Variants in TRIM52 observed in about 807,000 individuals in gnomAD.
The protein encoded by TRIM52 is tripartite motif containing 52.
TRIM52 carries 24 observed loss-of-function variants against 27.0 expected under a neutral mutation model. The ratio of observed to expected loss-of-function variants is 0.89; its 90% CI spans 0.64 to 1.25. The LOEUF is 1.25. Ranked by LOEUF, TRIM52 falls within the 50% of genes most tolerant of loss-of-function variation. The pLI is 0.00. For missense variants in TRIM52, 351 were observed against 354.7 expected, an observed-to-expected ratio of 0.99 and a Z score of 0.08; for synonymous variants, 125 against 126.5, an observed-to-expected ratio of 0.99 and a Z score of 0.08.
intron 1 of TRIM52, 97 bp from the exon 2 acceptor site, chr5:181,256,956 G>A: frequency 1.0e-6 from 1 of 986,158 alleles, no homozygotes; most frequent in African/African-American, 1.7e-5. Context: ...GAAAAACAAG[G>A]AGTACTGATG....
At chr5:181,249,836 T>G (rs886856132), downstream of TRIM52, among the ~76,000 whole-genome samples, 2 of 149,408 alleles carry the variant, frequency 1.3e-5, no homozygotes, top group African/African-American at 5.0e-5. Flanking sequence ...AGTTTTTTTT[T>G]TTTTTTTTTT....
Position 181,260,574 on chromosome 5 carries a change from G to A in TRIM52, c.240C>T (p.Gly80=). ...CCCGATACAACACCTCTCGAATGGA[G>A]CCGTCCCATCCATCCATGGCCCCCA... ...EAVGAMDGWD[G]SIREVLYRGN... is the part of the protein sequence containing the mutation. The change falls in exon 1 of 2, where the codon GGC becomes GGT. Residue 80 remains glycine, a synonymous_variant. Coordinates refer to ENST00000688015, the MANE Select transcript of TRIM52 (RefSeq NM_001346048.2). The surrounding 1 kb of genome is among the most constrained non-coding windows in gnomAD (Gnocchi z 4.4). 1.2e-6 allele frequency: 2 copies of A among 1,613,804 alleles called. No homozygotes were observed. Among genetic ancestry groups the A allele is most frequent in the Non-Finnish European group, 1.7e-6 (2 of 1,179,976 alleles).
chr5:181,259,974 C>T, intron 1 of TRIM52, 27 bp downstream of exon 1: 2 of 1,612,754 alleles, frequency 1.2e-6, no homozygotes, highest in East Asian at 2.2e-5. Flanking sequence ...CTCCCTTCAT[C>T]CCCCCACATT....
Position 181,256,779 on chromosome 5 carries a change from G to T in TRIM52, c.*30C>A. ...TGCAGAACACTCCACTGTTTTTAAT[G>T]GCATGAATTTAACAGTGTTTGGCAT... is the stretch of plus-strand genomic sequence containing the variant. On this transcript the variant is annotated 3_prime_UTR_variant, in exon 2 of 2. Transcript: ENST00000688015. 1.0e-6 allele frequency: 1 copy of T among 980,678 alleles called. No individual in the cohort carries two copies. The highest frequency in any genetic ancestry group is 1.2e-6 in the Non-Finnish European group (1 of 825,666). The allele number at this position is 980,678 out of a possible 1,614,324, so 60.7% of individuals were successfully genotyped here.
chr5:181,260,484 A>G lies in TRIM52; in HGVS notation c.330T>C (p.Gly110=), dbSNP rs1047546421. ...AGTCTACGTTGTCCCAATTAGTTAT[A>G]CCACTGTCACCGAGCCAGAGTTCAT... ...DDDELWLGDS[G]ITNWDNVDYM... is the part of the protein sequence containing the mutation. Residue 110 remains glycine, a synonymous_variant, in exon 1 of 2, where the codon GGT becomes GGC. Transcript: ENST00000688015. The surrounding 1 kb of genome is among the most constrained non-coding windows in gnomAD (Gnocchi z 4.4). 12 of 1,613,656 alleles carry G rather than the reference A, an allele frequency of 7.4e-6. No individual in the cohort carries two copies. The highest frequency in any genetic ancestry group is 3.3e-4 in the Middle Eastern group (2 of 6,062).
At chr5:181,253,006 T>C (rs1034058452), downstream of TRIM52, among the ~76,000 whole-genome samples, 1 of 151,846 alleles carries the variant, frequency 6.6e-6, no homozygotes, top group Non-Finnish European at 1.5e-5. Flanking sequence ...GTGGGTGTCA[T>C]ATCCACTAAT....
In TRIM52 at chr5:181,260,662, T is replaced by C; in HGVS notation, c.152A>G (p.Glu51Gly). The stretch of plus-strand genomic sequence containing the variant: ...CTCCTCGTTCTGGTCCTCCTCGTCC[T>C]CCTTACTCCACAGCTGGGTCACACA... ...RGCVTQLWSK[E>G]DEEDQNEEED... The change falls in exon 1 of 2, where the codon GAG (glutamate) becomes GGG (glycine). Residue 51 changes from glutamate to glycine, a missense_variant. Glu to Gly is a moderately conservative substitution (Grantham distance 98). Transcript: ENST00000688015. This position sits in a 1 kb window ranked among gnomAD's most constrained non-coding sequence, Gnocchi z 4.4. The C allele has an allele frequency of 6.2e-7, 1 of 1,614,018 alleles. No homozygotes were observed. The highest frequency in any genetic ancestry group is 1.1e-5 in the South Asian group (1 of 91,070).
intron 1 of TRIM52, chr5:181,257,637 A>G: frequency 1.9e-6 from 1 of 539,598 alleles, no homozygotes; most frequent in African/African-American, 1.9e-5. Context: ...AAAATTCTAA[A>G]TCATGCGACT....
At chr5:181,252,729 T>C (rs780992080), downstream of TRIM52, among the ~76,000 whole-genome samples, 1 of 152,214 alleles carries the variant, frequency 6.6e-6, no homozygotes, top group Non-Finnish European at 1.5e-5. Context: ...GAAAGTACTT[T>C]AGGGACTGAT....
At chr5:181,253,460 C>T (rs1223286877), downstream of TRIM52, among the ~76,000 whole-genome samples, 1 of 142,360 alleles carries the variant, frequency 7.0e-6, no homozygotes, top group African/African-American at 3.0e-5. Flanking sequence ...GATATGTGGA[C>T]ATGACCACTT....
At chr5:181,256,993 A>G (rs1364299377) in intron 1 of TRIM52, 134 bp from the exon 2 acceptor site, 8 of 989,370 alleles carry the variant, frequency 8.1e-6, no homozygotes, top group Non-Finnish European at 9.6e-6. Context: ...CCTCTTGCAG[A>G]GTGATGAATG....
downstream of TRIM52, among the ~76,000 whole-genome samples, chr5:181,252,186 A>G (rs1421526435): frequency 6.6e-6 from 1 of 152,216 alleles, no homozygotes; most frequent in Non-Finnish European, 1.5e-5. Context: ...ATATTACCTT[A>G]CAGCCTACCG....
At chr5:181,257,555 T>C in intron 1 of TRIM52, 1 of 1,384,526 alleles carries the variant, frequency 7.2e-7, no homozygotes, top group South Asian at 1.2e-5. Context: ...AGATAATGTA[T>C]ACTGTATTAA....
downstream of TRIM52, among the ~76,000 whole-genome samples, chr5:181,250,308 G>A (rs1334281875): frequency 6.6e-6 from 1 of 152,154 alleles, no homozygotes; most frequent in Non-Finnish European, 1.5e-5. Context: ...GGCCAAGGCA[G>A]GTGGGTCACT....
At chr5:181,250,823 G>A (rs565267235), downstream of TRIM52, among the ~76,000 whole-genome samples, 28 of 152,344 alleles carry the variant, frequency 1.8e-4, no homozygotes, top group East Asian at 5.4e-3. Context: ...ATCCTTTGCT[G>A]TAGGAGTAGA....
rs1760040633 is a variant in TRIM52 at position 181,260,917 on chromosome 5, T to A, written c.-104A>T. ...CTACTCTGGTGACCCGAGGCTGTCC[T>A]CAACCTTGCTCTTCTTCCTCGGGGC... On this transcript the variant is annotated 5_prime_UTR_variant, in exon 1 of 2. Coordinates refer to ENST00000688015, the MANE Select transcript of TRIM52 (RefSeq NM_001346048.2). This position sits in a 1 kb window ranked among gnomAD's most constrained non-coding sequence, Gnocchi z 4.4. The A allele has an allele frequency of 1.4e-6, 2 of 1,445,950 alleles. No individual in the cohort carries two copies. The highest frequency in any genetic ancestry group is 1.8e-6 in the Non-Finnish European group (2 of 1,096,542). The allele number at this position is 1,445,950 out of a possible 1,614,324, so 89.6% of individuals were successfully genotyped here.
Position 181,260,033 on chromosome 5 carries a change from G to C in TRIM52, c.781C>G (p.Leu261Val). ...ESRSHKQHSV[L>V]PLEEVVQEYQ... ...TCCTGCACCACCTCCTCCAAAGGCAGCACGCTGTGCTGTTTGTGGCTCCTG... is the reference window on the plus strand; with the variant it reads ...TCCTGCACCACCTCCTCCAAAGGCACCACGCTGTGCTGTTTGTGGCTCCTG... Residue 261 changes from leucine to valine, a missense_variant, in exon 1 of 2, where the codon CTG becomes GTG. Leu to Val is a conservative substitution (Grantham distance 32). Coordinates refer to ENST00000688015, the MANE Select transcript of TRIM52 (RefSeq NM_001346048.2). The surrounding 1 kb of genome is among the most constrained non-coding windows in gnomAD (Gnocchi z 4.4). 1 of 1,614,094 alleles carries C rather than the reference G, an allele frequency of 6.2e-7. No individual in the cohort carries two copies. The highest frequency in any genetic ancestry group is 8.5e-7 in the Non-Finnish European group (1 of 1,180,042).
Position 181,260,497 on chromosome 5 carries a change from A to T in TRIM52, c.317T>A (p.Leu106His), listed in dbSNP as rs1760008570. ...FQDQDDDELWLGDSGITNWDN... is the reference protein window; with the variant it reads ...FQDQDDDELWHGDSGITNWDN... ...CCAATTAGTTATACCACTGTCACCG[A>T]GCCAGAGTTCATCGTCATCTTGGTC... The change falls in exon 1 of 2, where the codon CTC (leucine) becomes CAC (histidine). Residue 106 changes from leucine (L) to histidine (H), a missense_variant. Transcript: ENST00000688015. This position sits in a 1 kb window ranked among gnomAD's most constrained non-coding sequence, Gnocchi z 4.4. 2.5e-6 allele frequency: 4 copies of T among 1,613,544 alleles called. No homozygotes were observed. Among genetic ancestry groups the T allele is most frequent in the Non-Finnish European group, 3.4e-6 (4 of 1,179,934 alleles).
chr5:181,258,888 T>C (rs1759906732), intron 1 of TRIM52: 1 of 152,188 alleles, frequency 6.6e-6, no homozygotes, highest in Admixed American at 6.5e-5. Flanking sequence ...AAAAAACAAT[T>C]TGAAAACCAC....
Sources: gnomAD v4.1 joint callset for allele counts (sites outside exome capture counted in the v4.1 genomes callset) on GRCh38, gnomAD v4.1.1 for gene constraint, Gnocchi (gnomAD v3.1) non-coding constraint, MANE v1.5 for transcripts, NCBI Gene and HGNC (gene_info 2026-07-23, HGNC 2026-07-21) for gene names.